The following MAP4 variants were observed in gnomAD, a reference collection of about 807,000 sequenced individuals.
MAP4 encodes the protein microtubule-associated protein 4.
A neutral mutation model predicts 170.2 loss-of-function variants in MAP4; 76 were observed. The ratio of observed to expected loss-of-function variants is 0.45; its 90% CI spans 0.37 to 0.54. The LOEUF (loss-of-function observed/expected upper bound fraction) is 0.54. MAP4 is among the 20% of genes least tolerant of loss of function. The probability of loss-of-function intolerance (pLI) is 0.00; values close to 1 mark genes in which losing one functional copy is unlikely to be tolerated. For synonymous variants in MAP4, 909 were observed against 994.5 expected (o/e 0.91, Z 1.62); for missense variants, 2,506 against 2,748.0 (o/e 0.91, Z 1.97).
chr3:47,969,791 CAG>C (rs1384283362), intron 3 of MAP4, among the ~76,000 whole-genome samples: 3 of 151,150 alleles, frequency 2.0e-5, no homozygotes, highest in Non-Finnish European at 4.4e-5. Flanking sequence ...GCCCAGGAGG[CAG>C]AGCTTGCAGT....
intron 17 of MAP4, 116 bp downstream of exon 17, chr3:47,867,130 A>G: frequency 1.4e-6 from 1 of 693,780 alleles, no homozygotes; most frequent in South Asian, 1.9e-5. Context: ...TGCTTCTTAC[A>G]GAACGCTACA....
At chr3:48,065,220 A>G (rs1209055588) in intron 1 of MAP4, among the ~76,000 whole-genome samples, 1 of 152,172 alleles carries the variant, frequency 6.6e-6, no homozygotes, top group East Asian at 1.9e-4. Context: ...ACCACCTCAT[A>G]ACCATGACTA....
chr3:48,031,932 G>A (rs968596369), intron 1 of MAP4, among the ~76,000 whole-genome samples: 3 of 152,032 alleles, frequency 2.0e-5, no homozygotes, highest in Non-Finnish European at 2.9e-5. Flanking sequence ...ATGCTGACAT[G>A]ATTTGATAGT....
chr3:48,043,439 T>C (rs982576448), intron 1 of MAP4, among the ~76,000 whole-genome samples: 5 of 152,032 alleles, frequency 3.3e-5, no homozygotes, highest in African/African-American at 7.3e-5. Flanking sequence ...GTATGGTATA[T>C]AAAATATATC....
At chr3:47,863,490 C>T (rs1207839089) in intron 17 of MAP4, among the ~76,000 whole-genome samples, 1 of 151,996 alleles carries the variant, frequency 6.6e-6, no homozygotes, top group African/African-American at 2.4e-5. Flanking sequence ...AGTGTCCCCT[C>T]CTCGGGGACT....
At chr3:48,060,740 CCT>C (rs1253032010) in intron 1 of MAP4, among the ~76,000 whole-genome samples, 1 of 151,624 alleles carries the variant, frequency 6.6e-6, no homozygotes, top group Non-Finnish European at 1.5e-5. Flanking sequence ...GTGTCGAAAC[CCT>C]GTCTCTACAA....
intron 3 of MAP4, among the ~76,000 whole-genome samples, chr3:47,947,958 T>G (rs557565802): frequency 5.9e-5 from 9 of 151,998 alleles, no homozygotes; most frequent in Non-Finnish European, 1.2e-4. Flanking sequence ...AATACACAAG[T>G]CTATGTCTTT....
chr3:47,878,229 C>T (rs1356342513), intron 10 of MAP4, among the ~76,000 whole-genome samples: 1 of 152,174 alleles, frequency 6.6e-6, no homozygotes, highest in South Asian at 2.1e-4. Flanking sequence ...GTCAAGAGGC[C>T]ACAAGAGATA....
At chr3:47,979,515 G>A (rs2100084243) in intron 2 of MAP4, among the ~76,000 whole-genome samples, 2 of 152,150 alleles carry the variant, frequency 1.3e-5, no homozygotes, top group South Asian at 2.1e-4. Flanking sequence ...GAGTGCAGTG[G>A]CGCAATCTTG....
chr3:47,892,525 C>A, intron 10 of MAP4: 1 of 1,486,002 alleles, frequency 6.7e-7, no homozygotes, highest in South Asian at 1.3e-5. Context: ...TGCTTTCGCT[C>A]CTGGAGCTCT....
chr3:47,944,332 T>G (rs2100058344), intron 3 of MAP4, among the ~76,000 whole-genome samples: 1 of 151,748 alleles, frequency 6.6e-6, no homozygotes, highest in Non-Finnish European at 1.5e-5. Flanking sequence ...AAAAACAAAA[T>G]GTGTCCCCAT....
intron 5 of MAP4, among the ~76,000 whole-genome samples, chr3:47,920,730 T>C (rs2100042389): frequency 1.3e-5 from 2 of 152,052 alleles, no homozygotes; most frequent in South Asian, 4.2e-4. Context: ...TTTTAAAATT[T>C]TTTGTAGGAC....
At chr3:48,022,112 T>C (rs970944063) in intron 1 of MAP4, among the ~76,000 whole-genome samples, 4 of 152,198 alleles carry the variant, frequency 2.6e-5, no homozygotes, top group Non-Finnish European at 4.4e-5. Flanking sequence ...AACTGTCTTT[T>C]CAATAAGTGG....
chr3:47,917,642 C>T (rs1366496381), intron 6 of MAP4, among the ~76,000 whole-genome samples: 4 of 150,862 alleles, frequency 2.7e-5, no homozygotes, highest in African/African-American at 9.7e-5. Context: ...ATTCTGCCTA[C>T]TCTTTGACAG....
At chr3:48,028,362 A>G (rs1327332120) in intron 1 of MAP4, among the ~76,000 whole-genome samples, 1 of 152,182 alleles carries the variant, frequency 6.6e-6, no homozygotes, top group East Asian at 1.9e-4. Context: ...AATCAACATC[A>G]ACTCTAAACA....
chr3:47,983,961 C>T (rs1245437189), intron 2 of MAP4, among the ~76,000 whole-genome samples: 2 of 152,184 alleles, frequency 1.3e-5, no homozygotes, highest in Non-Finnish European at 2.9e-5. Flanking sequence ...TGGAGCATAA[C>T]TCCAACAGTC....
intron 10 of MAP4, chr3:47,892,554 A>G (rs2100024587): frequency 3.4e-6 from 5 of 1,453,950 alleles, no homozygotes; most frequent in Non-Finnish European, 4.5e-6. Context: ...CTACGATCAC[A>G]CAGAGCTTGC....
chr3:48,083,063 T>C (rs1264846025), intron 1 of MAP4, among the ~76,000 whole-genome samples: 2 of 152,088 alleles, frequency 1.3e-5, no homozygotes, highest in South Asian at 2.1e-4. Flanking sequence ...AACTAAAGAA[T>C]TGTGACATCT....
At chr3:48,086,457 G>C (rs1172663128) in intron 1 of MAP4, among the ~76,000 whole-genome samples, 3 of 152,208 alleles carry the variant, frequency 2.0e-5, no homozygotes, top group African/African-American at 7.2e-5. Flanking sequence ...TGTCCAACGT[G>C]GCGAAACCCC....
Sources: allele counts gnomAD v4.1 joint callset (sites outside exome capture counted in the v4.1 genomes callset), GRCh38; gene constraint gnomAD v4.1.1; transcripts MANE v1.5; gene names NCBI Gene and HGNC (gene_info 2026-07-23, HGNC 2026-07-21).